ACTR1A: variants seen among roughly 807,000 people sequenced by gnomAD.
ACTR1A encodes the protein alpha-centractin.
Under a neutral mutation model 50.7 loss-of-function variants are expected in ACTR1A, and 10 were observed. That is an observed-to-expected ratio of 0.20 (90% CI 0.12 to 0.33). The LOEUF is 0.33. Among genes scored for constraint, ACTR1A ranks in the 10% least tolerant of loss-of-function variants. The pLI, the probability that ACTR1A is intolerant of heterozygous loss-of-function variation, is 1.00. For missense variants in ACTR1A, 253 were observed against 491.7 expected (o/e 0.51, Z 4.59); for synonymous variants, 177 against 184.2 (o/e 0.96, Z 0.32).
chr10:102,500,663 C>T (rs757366788), intron 1 of ACTR1A, among the ~76,000 whole-genome samples: 2 of 151,816 alleles, frequency 1.3e-5, no homozygotes, highest in African/African-American at 2.4e-5. Flanking sequence ...GGAGTCTAGG[C>T]TGGAGAATCT....
Position 102,488,346 on chromosome 10 carries a change from C to G in ACTR1A, c.190-71G>C. 1 of 1,583,576 alleles carries G rather than the reference C, an allele frequency of 6.3e-7. No homozygotes were observed. The highest frequency in any genetic ancestry group is 1.7e-5 in the Admixed American group (1 of 59,546). ...AGGACCCTGTTCTCCCAAGACTAAG[C>G]AGTGCAAGCTGAATCCCTTGCAAAG... On this transcript the variant is annotated intron_variant, in intron 3 of 10. Transcript: ENST00000369905. The surrounding 1 kb of genome is among the most constrained non-coding windows in gnomAD (Gnocchi z 4.4).
At position 102,482,964 on chromosome 10, in the gene ACTR1A, G is replaced by T. The variant is rs1465871568; in HGVS notation, c.750+47C>A. 2 of 1,487,106 alleles carry T rather than the reference G, an allele frequency of 1.3e-6. No homozygotes were observed. Among genetic ancestry groups the T allele is most frequent in the Non-Finnish European group, 1.9e-6 (2 of 1,065,152 alleles). 92.1% of individuals were successfully genotyped at this position (1,487,106 alleles called of 1,614,324 possible). On this transcript the variant is annotated intron_variant, in intron 7 of 10. Coordinates refer to ENST00000369905, the MANE Select transcript of ACTR1A (RefSeq NM_005736.4). The surrounding 1 kb of genome is among the most constrained non-coding windows in gnomAD (Gnocchi z 5.6). ...ATGGAGAATTCTGGTTGGGCCCAGA[G>T]CTTTTGTGGACCTAAGGGGACCGAA...
intron 9 of ACTR1A, 76 bp from the exon 10 acceptor site, chr10:102,481,248 G>T: frequency 6.9e-7 from 1 of 1,448,614 alleles, no homozygotes; most frequent in Non-Finnish European, 9.3e-7. Flanking sequence ...TCCTCTTTCT[G>T]CCCATGGCAG....
chr10:102,482,811 T>C lies in ACTR1A; in HGVS notation c.750+200A>G, dbSNP rs1200416823. The C allele has an allele frequency of 1.7e-5, 10 of 574,500 alleles. No homozygotes were observed. The Admixed American group carries it at 1.8e-4, about 10-fold the overall frequency. 35.6% of individuals were successfully genotyped at this position (574,500 alleles called of 1,614,324 possible). ...AAAAAATTGCAAAAGAATCTCATAATGTTTTAAGAAAGTTTACGACTTTGT... is the reference window on the plus strand; with the variant it reads ...AAAAAATTGCAAAAGAATCTCATAACGTTTTAAGAAAGTTTACGACTTTGT... On this transcript the variant is annotated intron_variant, in intron 7 of 10. Transcript: ENST00000369905. This position sits in a 1 kb window ranked among gnomAD's most constrained non-coding sequence, Gnocchi z 5.6.
intron 1 of ACTR1A, among the ~76,000 whole-genome samples, chr10:102,493,362 C>G (rs921422163): frequency 1.3e-5 from 2 of 152,176 alleles, no homozygotes; most frequent in African/African-American, 4.8e-5. Context: ...AATTGGGTCT[C>G]CCGGCAGAGG....
chr10:102,481,303 G>C, intron 9 of ACTR1A, 131 bp from the exon 10 acceptor site: 1 of 987,890 alleles, frequency 1.0e-6, no homozygotes, highest in South Asian at 2.0e-5. Flanking sequence ...TCTCTGGAGG[G>C]CACTGTGGCC....
chr10:102,490,296 T>C (rs896991816), intron 2 of ACTR1A, among the ~76,000 whole-genome samples: 20 of 141,950 alleles, frequency 1.4e-4, no homozygotes, highest in Admixed American at 1.2e-3. Flanking sequence ...GCCTGGGTGA[T>C]AGGAGAATTT....
At chr10:102,484,031 G>A in intron 6 of ACTR1A, 129 bp downstream of exon 6, 1 of 783,588 alleles carries the variant, frequency 1.3e-6, no homozygotes, top group Non-Finnish European at 2.1e-6. Flanking sequence ...GACCTGGCTG[G>A]GAAGAACAAG....
In ACTR1A at chr10:102,488,984, A is replaced by G. The variant is rs866266850; in HGVS notation, c.189+79T>C. 8 of 1,113,382 alleles carry G rather than the reference A, an allele frequency of 7.2e-6. No individual in the cohort carries two copies. Among genetic ancestry groups the G allele is most frequent in the Middle Eastern group, 2.3e-4 (1 of 4,360 alleles). 69.0% of individuals were successfully genotyped at this position (1,113,382 alleles called of 1,614,324 possible). A position where few individuals can be genotyped will look rare whatever the true frequency, so the allele number is the denominator to read the frequency against. On this transcript the variant is annotated intron_variant, in intron 3 of 10. Coordinates refer to ENST00000369905, the MANE Select transcript of ACTR1A (RefSeq NM_005736.4). The surrounding 1 kb of genome is among the most constrained non-coding windows in gnomAD (Gnocchi z 4.4). ...CCCTTTTACTTATGGGTATGTCCAA[A>G]TGTTGGGACATGTTCCATGTGGTGA...
intron 1 of ACTR1A, among the ~76,000 whole-genome samples, chr10:102,502,028 G>A (rs1038785191): frequency 1.3e-5 from 2 of 152,084 alleles, no homozygotes; most frequent in African/African-American, 2.4e-5. Context: ...CGCAGCGCCG[G>A]CTGAGACCGA....
intron 1 of ACTR1A, among the ~76,000 whole-genome samples, chr10:102,493,255 G>A (rs2062204169): frequency 6.6e-6 from 1 of 152,140 alleles, no homozygotes. Context: ...TGAGAGCAAG[G>A]CACGGACAGG....
At position 102,488,280 on chromosome 10, in the gene ACTR1A, G is replaced by A. The variant is rs1438956510; in HGVS notation, c.190-5C>T. 5.6e-6 allele frequency: 9 copies of A among 1,612,972 alleles called. No individual in the cohort carries two copies. Among genetic ancestry groups the A allele is most frequent in the Non-Finnish European group, 7.6e-6 (9 of 1,179,170 alleles). On this transcript the variant is annotated splice_region_variant and splice_polypyrimidine_tract_variant and intron_variant, in intron 3 of 10. Transcript: ENST00000369905. The surrounding 1 kb of genome is among the most constrained non-coding windows in gnomAD (Gnocchi z 4.4). ...TGAAAGCAGCCCTCGGTGCTCCTGG[G>A]AAAAGAGAACAGGACTTACGACTGC...
chr10:102,490,980 C>CT (rs1472333406), intron 1 of ACTR1A, among the ~76,000 whole-genome samples: 3 of 151,548 alleles, frequency 2.0e-5, no homozygotes, highest in African/African-American at 7.3e-5. Flanking sequence ...GTGACAGACT[C>CT]TGTCTCACAG....
At chr10:102,485,141 C>T (rs576728016) in intron 5 of ACTR1A, among the ~76,000 whole-genome samples, 1 of 151,966 alleles carries the variant, frequency 6.6e-6, no homozygotes, top group Non-Finnish European at 1.5e-5. Context: ...TAATCTCTGC[C>T]GTAGACCTCA....
rs1368471477 is a variant in ACTR1A at position 102,482,065 on chromosome 10, G to A, written c.861C>T (p.Asp287=). Residue 287 remains aspartate (D), a synonymous_variant, in exon 8 of 11, where the codon GAC becomes GAT. Coordinates refer to ENST00000369905, the MANE Select transcript of ACTR1A (RefSeq NM_005736.4). This position sits in a 1 kb window ranked among gnomAD's most constrained non-coding sequence, Gnocchi z 5.6. ...AGAAAAGCGTGCGCCGCAGGTCCAT[G>A]TCTGACTTCTGAATGGCGAACACCA... ...EVLVFAIQKS[D]MDLRRTLFSN... 6.2e-7 allele frequency: 1 copy of A among 1,614,222 alleles called. No individual in the cohort carries two copies.
intron 4 of ACTR1A, among the ~76,000 whole-genome samples, chr10:102,487,467 A>G (rs1345084695): frequency 6.6e-6 from 1 of 151,882 alleles, no homozygotes; most frequent in African/African-American, 2.4e-5. Context: ...CTGAGATGGG[A>G]GGATTACTTG....
chr10:102,490,492 TG>T, intron 2 of ACTR1A, 56 bp downstream of exon 2: 1 of 1,434,940 alleles, frequency 7.0e-7, no homozygotes, highest in Non-Finnish European at 9.8e-7. Context: ...CTTATAGGGC[TG>T]GGCCTGTAAC....
intron 1 of ACTR1A, among the ~76,000 whole-genome samples, chr10:102,498,537 T>C (rs2062233077): frequency 6.6e-6 from 1 of 152,056 alleles, no homozygotes; most frequent in African/African-American, 2.4e-5. Context: ...TAGGCTGGAG[T>C]GAGGTGCACG....
chr10:102,493,021 A>AAAAAAAAAAAAAAAAAAAAC (rs2062202103), intron 1 of ACTR1A, among the ~76,000 whole-genome samples: 1 of 150,654 alleles, frequency 6.6e-6, no homozygotes, highest in Non-Finnish European at 1.5e-5. Flanking sequence ...AAAAAAAAAA[A>AAAAAAAAAAAAAAAAAAAAC]AAAGAAGTGG....
Sources: gnomAD v4.1 joint callset for allele counts (sites outside exome capture counted in the v4.1 genomes callset) on GRCh38, gnomAD v4.1.1 for gene constraint, Gnocchi (gnomAD v3.1) non-coding constraint, MANE v1.5 for transcripts, NCBI Gene and HGNC (gene_info 2026-07-23, HGNC 2026-07-21) for gene names.